Variants in IRAK1BP1 observed in about 807,000 individuals in gnomAD.
IRAK1BP1 encodes the protein interleukin 1 receptor associated kinase 1 binding protein 1, also known as interleukin-1 receptor-associated kinase 1-binding protein 1.
Under a neutral mutation model 28.0 loss-of-function variants are expected in IRAK1BP1, and 24 were observed. The observed-to-expected ratio is 0.86, with a 90% CI of 0.62 to 1.20. The LOEUF (loss-of-function observed/expected upper bound fraction) is 1.20. Ranked by LOEUF, IRAK1BP1 falls within the 50% of genes most tolerant of loss-of-function variation. The pLI is 0.00. For synonymous variants in IRAK1BP1, 131 were observed against 116.3 expected (o/e 1.13, Z -0.81); for missense variants, 336 against 316.7 (o/e 1.06, Z -0.46).
At chr6:78,937,505 T>A (rs914849431) in intron 4 of IRAK1BP1, 2 of 151,740 alleles carry the variant, frequency 1.3e-5, no homozygotes, top group Admixed American at 1.3e-4. Context: ...CTTATGTAAT[T>A]CATTTCCAAG....
Position 78,901,517 on chromosome 6 carries a change from T to C in IRAK1BP1, c.*3183T>C, listed in dbSNP as rs1170467978. 6.6e-6 allele frequency: 1 copy of C among 151,890 alleles called. No individual in the cohort carries two copies. Among genetic ancestry groups the C allele is most frequent in the Non-Finnish European group, 1.5e-5 (1 of 67,956 alleles). The allele number at this position is 151,890 out of a possible 1,614,324, so 9.4% of individuals were successfully genotyped here. ...CTTAATCCTGTTAGAATTTCCTTCTTTTGAACTCTGTTTAAAAAAAAAAAA... is the reference window on the plus strand; with the variant it reads ...CTTAATCCTGTTAGAATTTCCTTCTCTTGAACTCTGTTTAAAAAAAAAAAA... On this transcript the variant is annotated 3_prime_UTR_variant, in exon 4 of 4. Transcript: ENST00000369940.
At position 78,897,891 on chromosome 6, in the gene IRAK1BP1, G is replaced by A; in HGVS notation, c.444G>A (p.Lys148=). ...MQNICNFLVE[K]LDSSVVISPP... ...ATATTTGTAACTTTCTTGTTGAAAA[G>A]CTAGATAGCTCTGTTGTCATCAGCC... is the stretch of plus-strand genomic sequence containing the variant. Residue 148 remains lysine, a synonymous_variant, in exon 3 of 4, where the codon AAG becomes AAA. Transcript: ENST00000369940. 6.2e-7 allele frequency: 1 copy of A among 1,613,802 alleles called. No homozygotes were observed. Among genetic ancestry groups the A allele is most frequent in the Non-Finnish European group, 8.5e-7 (1 of 1,179,802 alleles).
the IRAK1BP1 span, among the ~76,000 whole-genome samples, chr6:78,979,200 C>A: frequency 1.3e-5 from 2 of 151,954 alleles, no homozygotes; most frequent in East Asian, 3.9e-4. Context: ...AACACTTATT[C>A]TAGAAAAAAT....
At chr6:78,974,523 G>A in the IRAK1BP1 span, among the ~76,000 whole-genome samples, 1 of 151,292 alleles carries the variant, frequency 6.6e-6, no homozygotes, top group Non-Finnish European at 1.5e-5. Context: ...AAATAACTAA[G>A]ATCAGAGCAG....
chr6:78,943,445 A>C (rs1225466142), intron 4 of IRAK1BP1, among the ~76,000 whole-genome samples: 1 of 152,212 alleles, frequency 6.6e-6, no homozygotes, highest in Non-Finnish European at 1.5e-5. Context: ...AAAAGAAGCA[A>C]GGCCAATATA....
chr6:78,887,694 A>G (rs952578922), intron 2 of IRAK1BP1, among the ~76,000 whole-genome samples: 2 of 152,082 alleles, frequency 1.3e-5, no homozygotes, highest in African/African-American at 4.8e-5. Context: ...AACAACAACA[A>G]CAACAGAAGA....
At chr6:78,922,945 A>G (rs1582048284) in intron 4 of IRAK1BP1, among the ~76,000 whole-genome samples, 1 of 152,236 alleles carries the variant, frequency 6.6e-6, no homozygotes. Flanking sequence ...GAAAGGAACA[A>G]TCGGTACCAG....
chr6:78,897,490 G>A (rs933678143), intron 2 of IRAK1BP1, among the ~76,000 whole-genome samples: 14 of 152,020 alleles, frequency 9.2e-5, no homozygotes, highest in African/African-American at 3.4e-4. Context: ...GGAAGCTAAG[G>A]GCATTGATTA....
chr6:78,951,231 T>C (rs1329709161), downstream of IRAK1BP1, among the ~76,000 whole-genome samples: 2 of 152,202 alleles, frequency 1.3e-5, no homozygotes, highest in African/African-American at 4.8e-5. Context: ...TTGGTTAATG[T>C]AAATTTTATT....
chr6:78,888,434 G>A (rs1481293489), intron 2 of IRAK1BP1, among the ~76,000 whole-genome samples: 2 of 152,102 alleles, frequency 1.3e-5, no homozygotes, highest in Non-Finnish European at 2.9e-5. Context: ...AGTATCACAG[G>A]TGTATGCGTA....
chr6:78,917,276 A>G (rs1772584987), intron 4 of IRAK1BP1, among the ~76,000 whole-genome samples: 1 of 151,822 alleles, frequency 6.6e-6, no homozygotes, highest in African/African-American at 2.4e-5. Context: ...ATTTCAAAAT[A>G]CAATGGAAAG....
rs112959532 is a variant in IRAK1BP1, at chr6:78,896,774, G to A, written c.382-1055G>A. Among the ~76,000 whole-genome samples the A allele has an allele frequency of 5.5e-3, 828 of 150,470 alleles. 10 individuals are homozygous for A. The highest frequency in any genetic ancestry group is 0.041 in the Middle Eastern group (12 of 294). On this transcript the variant is annotated intron_variant, in intron 2 of 3. Transcript: ENST00000369940. ...CAGGGGTTGAGGCTGCAGTGAGCCC[G>A]TGATCACACCACTGCACTCCAGCCA...
chr6:78,921,519 G>C (rs891662502), intron 4 of IRAK1BP1, among the ~76,000 whole-genome samples: 2 of 152,198 alleles, frequency 1.3e-5, no homozygotes, highest in African/African-American at 4.8e-5. Flanking sequence ...CCAAACAAAA[G>C]GCAGCAGAAA....
At chr6:78,892,658 TAG>T (rs2127651077) in intron 2 of IRAK1BP1, among the ~76,000 whole-genome samples, 1 of 152,244 alleles carries the variant, frequency 6.6e-6, no homozygotes, top group South Asian at 2.1e-4. Flanking sequence ...TTAAAAGACA[TAG>T]TCATTAAAAG....
intron 1 of IRAK1BP1, among the ~76,000 whole-genome samples, chr6:78,875,793 G>A (rs886889106): frequency 6.6e-6 from 1 of 152,036 alleles, no homozygotes; most frequent in African/African-American, 2.4e-5. Context: ...GGGATCAGTT[G>A]TACCCCACAC....
chr6:78,936,506 A>G (rs1380307124), intron 4 of IRAK1BP1: 1 of 151,920 alleles, frequency 6.6e-6, no homozygotes, highest in Non-Finnish European at 1.5e-5. Context: ...TGCATGTACT[A>G]TATTCCATCT....
In IRAK1BP1 at chr6:78,898,722, A is replaced by G. The variant is rs1222326702; in HGVS notation, c.*388A>G. 6.6e-6 allele frequency: 1 copy of G among 151,956 alleles called. No individual in the cohort carries two copies. The highest frequency in any genetic ancestry group is 1.5e-5 in the Non-Finnish European group (1 of 67,968). The allele number at this position is 151,956 out of a possible 1,614,324, so 9.4% of individuals were successfully genotyped here. A position where few individuals can be genotyped will look rare whatever the true frequency, so the allele number is the denominator to read the frequency against. On this transcript the variant is annotated 3_prime_UTR_variant, in exon 4 of 4. Coordinates refer to ENST00000369940, the MANE Select transcript of IRAK1BP1 (RefSeq NM_001010844.4). The stretch of plus-strand genomic sequence containing the variant: ...ACATTTTTATATAAAACCAAATTTT[A>G]TGTAAAAACTAGGCTTCAATAAGTT...
intron 1 of IRAK1BP1, among the ~76,000 whole-genome samples, chr6:78,873,416 T>C (rs1399313020): frequency 1.3e-5 from 2 of 152,128 alleles, no homozygotes; most frequent in African/African-American, 2.4e-5. Flanking sequence ...TTTCTGTATT[T>C]TTTTCTACCT....
At chr6:78,973,249 A>G in the IRAK1BP1 span, among the ~76,000 whole-genome samples, 1 of 151,950 alleles carries the variant, frequency 6.6e-6, no homozygotes, top group Non-Finnish European at 1.5e-5. Context: ...AAGAATTTTC[A>G]ACCCAGAATT....
Sources: gnomAD v4.1 joint callset for allele counts (sites outside exome capture counted in the v4.1 genomes callset) on GRCh38, gnomAD v4.1.1 for gene constraint, MANE v1.5 for transcripts, NCBI Gene and HGNC (gene_info 2026-07-23, HGNC 2026-07-21) for gene names.